Variants in MDGA2 observed in about 807,000 individuals in gnomAD.
MDGA2 encodes MAM domain-containing glycosylphosphatidylinositol anchor protein 2.
A neutral mutation model predicts 117.8 loss-of-function variants in MDGA2; 40 were observed. The ratio of observed to expected loss-of-function variants is 0.34; its 90% CI spans 0.26 to 0.44. The LOEUF (loss-of-function observed/expected upper bound fraction) is 0.44, where lower values mean the gene tolerates loss of function less well. MDGA2 is among the 20% of genes least tolerant of loss of function. The pLI is 1.00. For missense variants in MDGA2, 1,123 were observed against 1,250.6 expected, an observed-to-expected ratio of 0.90 and a Z score of 1.54; for synonymous variants, 452 against 439.0, an observed-to-expected ratio of 1.03 and a Z score of -0.37.
At chr14:47,268,063 T>C (rs931152098) in intron 2 of MDGA2, among the ~76,000 whole-genome samples, 10 of 152,072 alleles carry the variant, frequency 6.6e-5, no homozygotes, top group Admixed American at 1.3e-4. Context: ...AAACATCTTA[T>C]TTCCTTTTCT....
intron 1 of MDGA2, among the ~76,000 whole-genome samples, chr14:47,378,079 G>A (rs1209613957): frequency 6.6e-6 from 1 of 152,168 alleles, no homozygotes; most frequent in East Asian, 1.9e-4. Context: ...AGCCTCTGCT[G>A]GTGATACCAG....
chr14:46,869,538 GT>G (rs540308338), intron 14 of MDGA2, among the ~76,000 whole-genome samples: 2 of 151,862 alleles, frequency 1.3e-5, no homozygotes, highest in South Asian at 4.2e-4. Context: ...TTGGAAACAT[GT>G]TTTTTTCTTC....
At chr14:47,274,439 C>G (rs111838957) in intron 2 of MDGA2, among the ~76,000 whole-genome samples, 2,186 of 152,134 alleles carry the variant, frequency 0.014, 27 homozygotes, top group Non-Finnish European at 0.018. Flanking sequence ...GATAACATTT[C>G]ATTGCATAGA....
chr14:47,250,711 T>C (rs1170030128), intron 2 of MDGA2, among the ~76,000 whole-genome samples: 1 of 152,240 alleles, frequency 6.6e-6, no homozygotes, highest in East Asian at 1.9e-4. Context: ...CACCCAGTTC[T>C]AAGTTTTTTG....
intron 9 of MDGA2, among the ~76,000 whole-genome samples, chr14:46,956,835 G>A (rs1229750172): frequency 6.6e-6 from 1 of 152,114 alleles, no homozygotes; most frequent in African/African-American, 2.4e-5. Context: ...GATCATGGGG[G>A]TGGATTTCCC....
intron 8 of MDGA2, among the ~76,000 whole-genome samples, chr14:46,969,224 C>T (rs1004397073): frequency 6.6e-6 from 1 of 152,156 alleles, no homozygotes; most frequent in African/African-American, 2.4e-5. Context: ...GTGCATGTGT[C>T]TTTATAGCAG....
intron 1 of MDGA2, among the ~76,000 whole-genome samples, chr14:47,617,045 A>G (rs996146993): frequency 6.6e-6 from 1 of 152,216 alleles, no homozygotes; most frequent in Non-Finnish European, 1.5e-5. Flanking sequence ...ATGATTTTAG[A>G]GCACCACTGT....
chr14:46,901,397 T>TA (rs1416401508), intron 10 of MDGA2, among the ~76,000 whole-genome samples: 1 of 151,954 alleles, frequency 6.6e-6, no homozygotes, highest in Non-Finnish European at 1.5e-5. Context: ...TAAGCATGAG[T>TA]ATTCAAGCAC....
intron 1 of MDGA2, among the ~76,000 whole-genome samples, chr14:47,607,545 T>C (rs1038353168): frequency 7.9e-5 from 12 of 152,152 alleles, no homozygotes; most frequent in African/African-American, 2.7e-4. Context: ...AATTGTATGG[T>C]TGGACACCAA....
intron 1 of MDGA2, among the ~76,000 whole-genome samples, chr14:47,486,061 A>G (rs1282390924): frequency 1.3e-5 from 2 of 152,208 alleles, no homozygotes; most frequent in East Asian, 3.9e-4. Flanking sequence ...CCAGAATGGT[A>G]GATCCACGGA....
chr14:47,131,746 T>G lies in MDGA2; in HGVS notation c.893A>C (p.Lys298Thr). The G allele has an allele frequency of 6.3e-7, 1 of 1,580,624 alleles. No homozygotes were observed. Among genetic ancestry groups the G allele is most frequent in the Non-Finnish European group, 8.7e-7 (1 of 1,155,998 alleles). Residue 298 changes from lysine to threonine, a missense_variant, in exon 5 of 17, where the codon AAG (lysine) becomes ACG (threonine). By Grantham distance (78) the Lys-to-Thr change is moderately conservative. Around this residue, in one of 2 missense-constraint regions of MDGA2, gnomAD observed 890 missense variants for 1,050.3 expected, o/e 0.85. Transcript: ENST00000399232. ...SVRNVCNIPD[K>T]MVSFRLSNKT... is the part of the protein sequence containing the mutation. ...ATTGGACAGTCTAAACGACACCATC[T>G]TATCAGGAATATTACATACATTCCT...
chr14:47,175,643 C>G (rs1016927700), intron 3 of MDGA2, among the ~76,000 whole-genome samples: 3 of 151,896 alleles, frequency 2.0e-5, no homozygotes, highest in African/African-American at 7.3e-5. Context: ...ATTGATGGGA[C>G]GTATCTCAAA....
intron 4 of MDGA2, among the ~76,000 whole-genome samples, chr14:47,139,827 T>TAC (rs1383031422): frequency 7.2e-6 from 1 of 138,350 alleles, no homozygotes; most frequent in Non-Finnish European, 1.5e-5. Flanking sequence ...CACATATATA[T>TAC]ACACATATAT....
At chr14:47,350,981 G>A (rs1162297740) in intron 1 of MDGA2, among the ~76,000 whole-genome samples, 1 of 152,068 alleles carries the variant, frequency 6.6e-6, no homozygotes, top group African/African-American at 2.4e-5. Flanking sequence ...GCACAATCTC[G>A]GCTCACTGCA....
chr14:46,954,383 C>T (rs748392076), intron 9 of MDGA2, among the ~76,000 whole-genome samples: 1 of 151,910 alleles, frequency 6.6e-6, no homozygotes, highest in Non-Finnish European at 1.5e-5. Flanking sequence ...AAGACTGCCA[C>T]GACAAACAGC....
chr14:47,593,598 G>A (rs532086581), intron 1 of MDGA2, among the ~76,000 whole-genome samples: 3 of 152,214 alleles, frequency 2.0e-5, no homozygotes, highest in African/African-American at 7.2e-5. Context: ...GGAGTTGGAA[G>A]CCATTATTCT....
chr14:47,621,211 C>A (rs773203581), intron 1 of MDGA2, among the ~76,000 whole-genome samples: 1 of 152,114 alleles, frequency 6.6e-6, no homozygotes, highest in Non-Finnish European at 1.5e-5. Flanking sequence ...TTCACAAATT[C>A]TTGAACCCTA....
At chr14:47,324,140 G>C (rs1201395451) in intron 1 of MDGA2, among the ~76,000 whole-genome samples, 1 of 152,128 alleles carries the variant, frequency 6.6e-6, no homozygotes, top group African/African-American at 2.4e-5. Context: ...AGCTACTAGG[G>C]AGGCTGAGGC....
chr14:47,413,979 C>A (rs539371272), intron 1 of MDGA2, among the ~76,000 whole-genome samples: 1 of 152,102 alleles, frequency 6.6e-6, no homozygotes, highest in South Asian at 2.1e-4. Flanking sequence ...AAGAAGAGTA[C>A]CAGATGCAGG....
Sources: gnomAD v4.1 joint callset for allele counts (sites outside exome capture counted in the v4.1 genomes callset) on GRCh38, gnomAD v4.1.1 for gene constraint, gnomAD v4.1.1 regional missense constraint, MANE v1.5 for transcripts, NCBI Gene and HGNC (gene_info 2026-07-23, HGNC 2026-07-21) for gene names.